The following OR51B5 variants were observed in gnomAD, a reference collection of about 807,000 sequenced individuals.
OR51B5 encodes olfactory receptor 51B5.
For synonymous variants in OR51B5, 186 were observed against 144.8 expected (o/e 1.28, Z -2.04); for missense variants, 456 against 374.6 (o/e 1.22, Z -1.79).
intron 1 of OR51B5, chr11:5,440,548 C>A (rs149725440): frequency 8.3e-6 from 13 of 1,575,504 alleles, no homozygotes; most frequent in Middle Eastern, 3.4e-4. Context: ...TCCAAAGGAG[C>A]TTTTGGGGCC....
At chr11:5,404,393 A>G (rs1850027042) in intron 1 of OR51B5, among the ~76,000 whole-genome samples, 1 of 152,142 alleles carries the variant, frequency 6.6e-6, no homozygotes, top group South Asian at 2.1e-4. Context: ...AAATACACCA[A>G]TCAGAACTCT....
At chr11:5,340,792 T>TTTTTATATTAAA (rs1304355856), downstream of OR51B5, 8 of 152,176 alleles carry the variant, frequency 5.3e-5, no homozygotes, top group Non-Finnish European at 1.2e-4. Flanking sequence ...ATATTTAACT[T>TTTTTATATTAAA]TTTTATATTA....
chr11:5,374,552 C>G (rs755951508), intron 1 of OR51B5, among the ~76,000 whole-genome samples: 2 of 151,952 alleles, frequency 1.3e-5, no homozygotes, highest in Non-Finnish European at 2.9e-5. Flanking sequence ...GGAGGAAATT[C>G]AAACCAAAGG....
At chr11:5,351,591 A>G (rs1204156207) in intron 1 of OR51B5, 5 of 1,614,092 alleles carry the variant, frequency 3.1e-6, no homozygotes, top group South Asian at 1.1e-5. Flanking sequence ...TATTCATCCC[A>G]TTATTGGCAG....
chr11:5,424,748 G>A (rs1366466053), intron 1 of OR51B5, among the ~76,000 whole-genome samples: 2 of 149,374 alleles, frequency 1.3e-5, no homozygotes, highest in African/African-American at 4.9e-5. Context: ...TTGGGAGGCC[G>A]AGACGGGTGG....
chr11:5,340,774 T>C (rs1417058751), downstream of OR51B5: 1 of 152,184 alleles, frequency 6.6e-6, no homozygotes, highest in African/African-American at 2.4e-5. Context: ...GTTATGCCCT[T>C]GGAGGGAATA....
At chr11:5,464,815 C>G (rs1309047730) in intron 1 of OR51B5, among the ~76,000 whole-genome samples, 1 of 152,056 alleles carries the variant, frequency 6.6e-6, no homozygotes, top group Non-Finnish European at 1.5e-5. Context: ...AATGGGATGG[C>G]TGGGTCAAAT....
intron 1 of OR51B5, chr11:5,489,005 G>C (rs1851536558): frequency 6.2e-7 from 1 of 1,614,032 alleles, no homozygotes; most frequent in East Asian, 2.2e-5. Context: ...TTTGGTGGAT[G>C]CCTGGCCCAG....
intron 1 of OR51B5, among the ~76,000 whole-genome samples, chr11:5,375,302 C>T (rs902710700): frequency 2.0e-5 from 3 of 151,504 alleles, no homozygotes; most frequent in Non-Finnish European, 2.9e-5. Flanking sequence ...TTGTCATCAC[C>T]AGGCCTGACC....
At chr11:5,417,825 T>G (rs1418512674) in intron 1 of OR51B5, among the ~76,000 whole-genome samples, 3 of 78,500 alleles carry the variant, frequency 3.8e-5, no homozygotes, top group Non-Finnish European at 6.1e-5. Context: ...CACTGTTGGT[T>G]GGATTGTAAA....
intron 1 of OR51B5, among the ~76,000 whole-genome samples, chr11:5,475,332 T>C (rs1344092626): frequency 3.3e-5 from 5 of 152,186 alleles, no homozygotes; most frequent in Non-Finnish European, 7.4e-5. Context: ...ATTCAATCAT[T>C]GTTCTCTTGT....
In OR51B5 at chr11:5,355,937, TAACA is replaced by T. The variant is rs1485835158; in HGVS notation, n.85-9031_85-9028del. 2.0e-5 allele frequency among the ~76,000 whole-genome samples: 3 copies of T among 152,126 alleles called. No individual in the cohort carries two copies. The South Asian group carries it at 6.2e-4, about 32-fold the overall frequency. On this transcript the variant is annotated intron_variant and non_coding_transcript_variant, in intron 1 of 4. Coordinates refer to the OR51B5 transcript ENST00000415970. ...CTGAGGGTCCTGTTAGAAGGAAAAC[TAACA>T]AACAGAAAGGACATCCACACCAAAA... is the stretch of plus-strand genomic sequence containing the variant.
At chr11:5,496,227 C>T (rs1851648648) in intron 1 of OR51B5, among the ~76,000 whole-genome samples, 1 of 151,922 alleles carries the variant, frequency 6.6e-6, no homozygotes, top group South Asian at 2.1e-4. Flanking sequence ...GAGCCTGTTC[C>T]CTAGGAGTTC....
intron 1 of OR51B5, among the ~76,000 whole-genome samples, chr11:5,368,361 A>C (rs2133704397): frequency 6.6e-6 from 1 of 152,322 alleles, no homozygotes; most frequent in East Asian, 1.9e-4. Context: ...TGGGGATACC[A>C]ATAGTACCCA....
intron 1 of OR51B5, chr11:5,468,847 A>C (rs2736569): frequency 0.14 from 61,683 of 434,008 alleles, 4,923 homozygotes; most frequent in Admixed American, 0.21. Context: ...TAGTGTCTCC[A>C]CAGGGCAGCC....
chr11:5,401,432 A>G (rs1849966008), intron 1 of OR51B5, among the ~76,000 whole-genome samples: 1 of 152,188 alleles, frequency 6.6e-6, no homozygotes, highest in African/African-American at 2.4e-5. Context: ...TGACTCCTAG[A>G]ATTTTCAAAA....
upstream of OR51B5, among the ~76,000 whole-genome samples, chr11:5,347,470 G>C (rs534090217): frequency 1.2e-4 from 18 of 145,524 alleles, no homozygotes; most frequent in East Asian, 3.3e-3. Flanking sequence ...TCTTTTCCAG[G>C]GGATGCAGCA....
chr11:5,501,146 G>C (rs1054217968), intron 1 of OR51B5, among the ~76,000 whole-genome samples: 3 of 147,556 alleles, frequency 2.0e-5, no homozygotes, highest in Non-Finnish European at 3.0e-5. Context: ...AGCTACTATG[G>C]GGCACCAGGA....
chr11:5,505,228 A>C, intron 1 of OR51B5: 1 of 1,020,732 alleles, frequency 9.8e-7, no homozygotes, highest in Non-Finnish European at 1.3e-6. Flanking sequence ...AAGGCAGATA[A>C]ATGCAGTAAC....
Sources: allele counts gnomAD v4.1 joint callset (sites outside exome capture counted in the v4.1 genomes callset), GRCh38; gene constraint gnomAD v4.1.1; transcripts MANE v1.5; gene names NCBI Gene and HGNC (gene_info 2026-07-23, HGNC 2026-07-21).